Variants in PLCH2 observed in about 807,000 individuals in gnomAD.
The protein encoded by PLCH2 is phospholipase C eta 2.
PLCH2 carries 98 observed loss-of-function variants against 134.7 expected under a neutral mutation model. The ratio of observed to expected loss-of-function variants is 0.73; its 90% CI spans 0.62 to 0.86. The LOEUF is 0.86. PLCH2 is among the 40% of genes least tolerant of loss of function. The probability of loss-of-function intolerance (pLI) is 0.00; values close to 1 mark genes in which losing one functional copy is unlikely to be tolerated. For missense variants in PLCH2, 1,994 were observed against 1,986.6 expected (o/e 1.00, Z -0.07); for synonymous variants, 974 against 827.5 (o/e 1.18, Z -3.04).
chr1:2,473,846 C>T (rs1007564332), upstream of PLCH2, among the ~76,000 whole-genome samples: 25 of 152,358 alleles, frequency 1.6e-4, no homozygotes, highest in Middle Eastern at 0.01. Flanking sequence ...CCAGGACTGC[C>T]GGCCCTTCCC....
At chr1:2,446,434 G>T (rs772908552) in intron 2 of PLCH2, among the ~76,000 whole-genome samples, 8 of 152,158 alleles carry the variant, frequency 5.3e-5, no homozygotes, top group Non-Finnish European at 1.0e-4. Context: ...ACAGACTGGG[G>T]CCCCAGGCAG....
intron 1 of PLCH2, among the ~76,000 whole-genome samples, chr1:2,470,398 G>A (rs2985848): frequency 0.013 from 1,948 of 152,266 alleles, 50 homozygotes; most frequent in African/African-American, 0.044. Flanking sequence ...AGACAGGGAC[G>A]GAACGACTAT....
chr1:2,461,871 C>A (rs536057180), intron 2 of PLCH2, among the ~76,000 whole-genome samples: 7 of 151,946 alleles, frequency 4.6e-5, no homozygotes, highest in African/African-American at 1.7e-4. Context: ...GACTCATCCC[C>A]CCCAGGGCCT....
chr1:2,417,258 G>T, the PLCH2 span, among the ~76,000 whole-genome samples: 1 of 152,162 alleles, frequency 6.6e-6, no homozygotes, highest in Non-Finnish European at 1.5e-5. Context: ...TGGAAACCAA[G>T]GGTCCCCCAA....
intron 2 of PLCH2, among the ~76,000 whole-genome samples, chr1:2,435,188 AAGATGGTCC>A (rs1639270866): frequency 6.6e-6 from 1 of 152,166 alleles, no homozygotes; most frequent in African/African-American, 2.4e-5. Flanking sequence ...GAGCATGTGG[AAGATGGTCC>A]CGGGGGTGAG....
chr1:2,458,121 G>A (rs1570325649), intron 2 of PLCH2, among the ~76,000 whole-genome samples: 1 of 152,310 alleles, frequency 6.6e-6, no homozygotes, highest in South Asian at 2.1e-4. Context: ...ACCCAGGCCT[G>A]TCCTCGGGAG....
chr1:2,478,430 G>A (rs1641761120), intron 1 of PLCH2, 46 bp from the exon 2 acceptor site: 1 of 1,602,924 alleles, frequency 6.2e-7, no homozygotes, highest in Non-Finnish European at 8.5e-7. Flanking sequence ...TCTCCTGCGA[G>A]GAGTGGCTGT....
intron 1 of PLCH2, among the ~76,000 whole-genome samples, chr1:2,469,501 C>T (rs1024754949): frequency 4.6e-5 from 7 of 152,346 alleles, no homozygotes; most frequent in Admixed American, 3.9e-4. Context: ...ATGACGATGG[C>T]GTCCCAGTTC....
At chr1:2,476,792 G>T (rs1007273852) in intron 1 of PLCH2, 80 bp downstream of exon 1, 2 of 1,426,010 alleles carry the variant, frequency 1.4e-6, no homozygotes, top group Non-Finnish European at 1.9e-6. Flanking sequence ...GTTCCTGGAG[G>T]TGGGGGAAGC....
rs1341509756 is a variant in PLCH2, at chr1:2,444,176, T to A, written c.115+13547T>A. On this transcript the variant is annotated intron_variant, in intron 2 of 3. Transcript: ENST00000609981. This position sits in a 1 kb window ranked among gnomAD's most constrained non-coding sequence, Gnocchi z 4.6. Reference sequence around the variant, plus strand: ...GCGGAGCGGTCTTGAGCTCTCCGGATGGCCTCAGGTGCGGGGTGAGGGATC... The same window carrying A: ...GCGGAGCGGTCTTGAGCTCTCCGGAAGGCCTCAGGTGCGGGGTGAGGGATC... 6.6e-6 allele frequency among the ~76,000 whole-genome samples: 1 copy of A among 152,066 alleles called. No individual in the cohort carries two copies. The highest frequency in any genetic ancestry group is 2.4e-5 in the African/African-American group (1 of 41,398).
At chr1:2,443,959 C>T (rs1391130563) in intron 2 of PLCH2, among the ~76,000 whole-genome samples, 1 of 152,044 alleles carries the variant, frequency 6.6e-6, no homozygotes, top group Non-Finnish European at 1.5e-5. Context: ...CGGGAGCCGC[C>T]CCGCAGAAGC....
chr1:2,466,890 G>T (rs1390974899), upstream of PLCH2, among the ~76,000 whole-genome samples: 1 of 152,158 alleles, frequency 6.6e-6, no homozygotes, highest in Non-Finnish European at 1.5e-5. Flanking sequence ...GTAGCAGCAC[G>T]CAGGGCTGCA....
Position 2,498,440 on chromosome 1 carries a change from G to T in PLCH2, c.2225-83G>T. Reference sequence around the variant, plus strand: ...CAGTCTCCTATGTGGGGGCTGGGGAGGGGGCTGTTGGCAGCCATGCCCCAG... The same window carrying T: ...CAGTCTCCTATGTGGGGGCTGGGGATGGGGCTGTTGGCAGCCATGCCCCAG... On this transcript the variant is annotated intron_variant, in intron 16 of 21. Transcript: ENST00000378486. This position sits in a 1 kb window ranked among gnomAD's most constrained non-coding sequence, Gnocchi z 5.4. 1 of 1,472,722 alleles carries T rather than the reference G, an allele frequency of 6.8e-7. No homozygotes were observed. The highest frequency in any genetic ancestry group is 2.4e-5 in the East Asian group (1 of 41,198). 91.2% of individuals were successfully genotyped at this position (1,472,722 alleles called of 1,614,324 possible).
rs527262571 is a variant in PLCH2 at position 2,496,610 on chromosome 1, G to A, written c.1839G>A (p.Ala613=). The A allele has an allele frequency of 8.8e-5, 141 of 1,610,128 alleles. No individual in the cohort carries two copies. Among genetic ancestry groups the A allele is most frequent in the South Asian group, 3.4e-4 (31 of 90,544 alleles). ...QDSPGGQSRG[A]TRQKKTMKLS... ...TGACCCCCTGCACCTGCCACAGGGCGACCCGGCAGAAGAAGACCATGAAGC... is the reference window on the plus strand; with the variant it reads ...TGACCCCCTGCACCTGCCACAGGGCAACCCGGCAGAAGAAGACCATGAAGC... The change falls in exon 14 of 22, where the codon GCG becomes GCA. Residue 613 remains alanine, a synonymous_variant. Transcript: ENST00000378486.
intron 1 of PLCH2, among the ~76,000 whole-genome samples, chr1:2,470,689 G>A (rs1360950203): frequency 1.3e-5 from 2 of 152,192 alleles, no homozygotes; most frequent in African/African-American, 4.8e-5. Context: ...GCTGGGGGCA[G>A]GGCTGGCTCT....
rs767901273 is a variant in PLCH2, at chr1:2,478,601, C to A, written c.250C>A (p.Arg84Ser). Residue 84 changes from arginine to serine, a missense_variant, in exon 2 of 22, where the codon CGC becomes AGC. By Grantham distance (110) the Arg-to-Ser change is moderately radical. Transcript: ENST00000378486. ...CTCCTGCATCCGCTGGAGGCCCTCA[C>A]GCAAGAACGAGAAGGCCAAGAGTGA... ...HRSCIRWRPS[R>S]KNEKAKISID... The A allele has an allele frequency of 1.9e-6, 3 of 1,611,104 alleles. No individual in the cohort carries two copies. Among genetic ancestry groups the A allele is most frequent in the Admixed American group, 1.7e-5 (1 of 59,788 alleles).
rs1182235841 is a variant in PLCH2, at chr1:2,444,052, G to A, written c.115+13423G>A. Among the ~76,000 whole-genome samples the A allele has an allele frequency of 6.6e-6, 1 of 152,188 alleles. No homozygotes were observed. Among genetic ancestry groups the A allele is most frequent in the Non-Finnish European group, 1.5e-5 (1 of 68,010 alleles). ...CGCGGGGGCGCCGCAGCCCTGGTGC[G>A]GGTCGGGGCTGAGCCGCCTGGGCTT... is the stretch of plus-strand genomic sequence containing the variant. On this transcript the variant is annotated intron_variant, in intron 2 of 3. Transcript: ENST00000609981. This position sits in a 1 kb window ranked among gnomAD's most constrained non-coding sequence, Gnocchi z 4.6.
At chr1:2,455,710 G>T (rs879719763) in intron 2 of PLCH2, among the ~76,000 whole-genome samples, 1 of 152,174 alleles carries the variant, frequency 6.6e-6, no homozygotes, top group Non-Finnish European at 1.5e-5. Flanking sequence ...AGATGGAGGC[G>T]GGAGGCTCCC....
At chr1:2,430,865 C>T (rs1639035413) in intron 2 of PLCH2, among the ~76,000 whole-genome samples, 1 of 152,204 alleles carries the variant, frequency 6.6e-6, no homozygotes, top group African/African-American at 2.4e-5. Flanking sequence ...GTGTGTGTCC[C>T]TTCGTGTGGG....
Sources: allele counts gnomAD v4.1 joint callset (sites outside exome capture counted in the v4.1 genomes callset), GRCh38; gene constraint gnomAD v4.1.1; non-coding constraint Gnocchi (gnomAD v3.1); transcripts MANE v1.5; gene names NCBI Gene and HGNC (gene_info 2026-07-23, HGNC 2026-07-21).